Variants in OTUD7A observed in about 807,000 individuals in gnomAD.
OTUD7A encodes the protein OTU domain-containing protein 7A.
In OTUD7A, 12 loss-of-function variants were observed where a neutral mutation model predicts 65.7. That is an observed-to-expected ratio of 0.18 (90% CI 0.12 to 0.30). The LOEUF (loss-of-function observed/expected upper bound fraction) is 0.30, where lower values mean the gene tolerates loss of function less well. Among genes scored for constraint, OTUD7A ranks in the 10% least tolerant of loss-of-function variants. OTUD7A has a pLI of 1.00. For missense variants in OTUD7A, 1,148 were observed against 1,304.8 expected, an observed-to-expected ratio of 0.88 and a Z score of 1.85; for synonymous variants, 641 against 586.3, an observed-to-expected ratio of 1.09 and a Z score of -1.35.
chr15:31,632,792 G>T (rs1490030870), intron 3 of OTUD7A, among the ~76,000 whole-genome samples: 3 of 79,584 alleles, frequency 3.8e-5, no homozygotes, highest in Non-Finnish European at 7.1e-5. Flanking sequence ...CTTCCCGGCT[G>T]CTTTGTTTGC....
intron 3 of OTUD7A, among the ~76,000 whole-genome samples, chr15:31,613,383 C>G (rs1401774747): frequency 6.6e-6 from 1 of 152,140 alleles, no homozygotes; most frequent in Admixed American, 6.6e-5. Flanking sequence ...AGAAAATCTT[C>G]ACAATCTATA....
intron 1 of OTUD7A, among the ~76,000 whole-genome samples, chr15:31,791,437 C>A (rs1895812875): frequency 6.6e-6 from 1 of 152,112 alleles, no homozygotes; most frequent in Non-Finnish European, 1.5e-5. Flanking sequence ...ATTCCATCAT[C>A]CCACCTTCTA....
chr15:31,776,166 G>T (rs1895374346), intron 1 of OTUD7A, among the ~76,000 whole-genome samples: 1 of 152,218 alleles, frequency 6.6e-6, no homozygotes, highest in African/African-American at 2.4e-5. Flanking sequence ...AGCTGCCCCA[G>T]GCCAGGTCCC....
At chr15:31,531,940 A>G (rs79723022) in intron 5 of OTUD7A, among the ~76,000 whole-genome samples, 5,705 of 152,250 alleles carry the variant, frequency 0.037, 361 homozygotes, top group African/African-American at 0.13. Flanking sequence ...GCCAAGAAGT[A>G]CCAAGCCCAT....
At chr15:31,592,933 A>G (rs1344263264) in intron 3 of OTUD7A, among the ~76,000 whole-genome samples, 3 of 97,504 alleles carry the variant, frequency 3.1e-5, no homozygotes, top group South Asian at 3.0e-4. Context: ...ATATATATAT[A>G]TATGTATATA....
Position 31,484,876 on chromosome 15 carries a change from T to C in OTUD7A, c.1372-152A>G, listed in dbSNP as rs1245831642. 1.4e-6 allele frequency: 2 copies of C among 1,389,932 alleles called. No individual in the cohort carries two copies. Among genetic ancestry groups the C allele is most frequent in the East Asian group, 2.5e-5 (1 of 39,998 alleles). The allele number at this position is 1,389,932 out of a possible 1,614,324, so 86.1% of individuals were successfully genotyped here. A position where few individuals can be genotyped will look rare whatever the true frequency, so the allele number is the denominator to read the frequency against. On this transcript the variant is annotated intron_variant, in intron 12 of 12. Transcript: ENST00000307050. This position sits in a 1 kb window ranked among gnomAD's most constrained non-coding sequence, Gnocchi z 4.5. ...CACTGTCGCTCTGGTGACTGTGACATCCGGATGGGCGGTGCTGAAGGAGCG... is the reference window on the plus strand; with the variant it reads ...CACTGTCGCTCTGGTGACTGTGACACCCGGATGGGCGGTGCTGAAGGAGCG...
At chr15:31,715,721 A>G (rs1282319972) in intron 1 of OTUD7A, among the ~76,000 whole-genome samples, 1 of 118,514 alleles carries the variant, frequency 8.4e-6, no homozygotes, top group African/African-American at 2.9e-5. Flanking sequence ...CACTCAGTGA[A>G]AACAAGTTGA....
rs5811646 is a variant in OTUD7A at position 31,482,923 on chromosome 15, GA to G, written c.*370del. On this transcript the variant is annotated 3_prime_UTR_variant, in exon 13 of 13. Coordinates refer to ENST00000307050, the MANE Select transcript of OTUD7A (RefSeq NM_001382637.1). ...GGAAGAGGTCATCGCTAGGGTAGGA[GA>G]AAAAAAAAAAAGCAAAAAAAGCATG... 37,181 of 141,344 alleles carry G rather than the reference GA, an allele frequency of 0.26. 5,022 individuals are homozygous for G. The highest frequency in any genetic ancestry group is 0.4 in the East Asian group (1,970 of 4,894). The allele number at this position is 141,344 out of a possible 1,614,324, so 8.8% of individuals were successfully genotyped here.
At chr15:31,560,341 C>G (rs1888650380) in intron 4 of OTUD7A, among the ~76,000 whole-genome samples, 1 of 152,224 alleles carries the variant, frequency 6.6e-6, no homozygotes, top group African/African-American at 2.4e-5. Context: ...AAAAATAATG[C>G]TCTCCTCTGG....
chr15:31,820,193 A>C (rs1896644641), intron 1 of OTUD7A, among the ~76,000 whole-genome samples: 1 of 152,242 alleles, frequency 6.6e-6, no homozygotes, highest in Admixed American at 6.5e-5. Context: ...CAGGCAATGG[A>C]GCATATAAAT....
At chr15:31,554,377 T>A (rs1305198740) in intron 5 of OTUD7A, among the ~76,000 whole-genome samples, 1 of 152,160 alleles carries the variant, frequency 6.6e-6, no homozygotes, top group East Asian at 1.9e-4. Flanking sequence ...CTGTCTCCAT[T>A]TGGCCGCCGT....
intron 1 of OTUD7A, among the ~76,000 whole-genome samples, chr15:31,783,382 T>A (rs1024049134): frequency 6.6e-6 from 1 of 152,168 alleles, no homozygotes; most frequent in Non-Finnish European, 1.5e-5. Context: ...CAATGATCAT[T>A]CTAAGGAGAG....
chr15:31,507,149 T>C (rs2041587412), intron 8 of OTUD7A, among the ~76,000 whole-genome samples: 1 of 152,228 alleles, frequency 6.6e-6, no homozygotes. Flanking sequence ...CTTAGGCTAC[T>C]GAAGAAGGGG....
At chr15:31,727,915 C>A (rs901707906) in intron 1 of OTUD7A, among the ~76,000 whole-genome samples, 1 of 152,172 alleles carries the variant, frequency 6.6e-6, no homozygotes, top group African/African-American at 2.4e-5. Flanking sequence ...CCACTCTGAG[C>A]TCCTTTATGC....
chr15:31,862,383 T>A (rs1424566888), intron 1 of OTUD7A, among the ~76,000 whole-genome samples: 1 of 152,182 alleles, frequency 6.6e-6, no homozygotes, highest in Non-Finnish European at 1.5e-5. Context: ...TAGCATGGCT[T>A]AACAGAGCTT....
At chr15:31,866,472 G>A (rs141830336) in intron 1 of OTUD7A, among the ~76,000 whole-genome samples, 10 of 152,238 alleles carry the variant, frequency 6.6e-5, no homozygotes, top group African/African-American at 9.6e-5. Context: ...CACTTCTCCC[G>A]TCTGTTACTA....
intron 8 of OTUD7A, among the ~76,000 whole-genome samples, chr15:31,518,893 C>G (rs1455615665): frequency 6.6e-6 from 1 of 152,252 alleles, no homozygotes; most frequent in Non-Finnish European, 1.5e-5. Flanking sequence ...AGGCACAGTA[C>G]AGGCTAGCAG....
intron 8 of OTUD7A, among the ~76,000 whole-genome samples, chr15:31,524,420 T>C (rs1259934355): frequency 6.6e-6 from 1 of 152,168 alleles, no homozygotes; most frequent in African/African-American, 2.4e-5. Flanking sequence ...CCTAATCCCA[T>C]TGAGGCTCAG....
chr15:31,512,021 T>G (rs934840604), intron 8 of OTUD7A, among the ~76,000 whole-genome samples: 3 of 152,020 alleles, frequency 2.0e-5, no homozygotes, highest in African/African-American at 7.3e-5. Flanking sequence ...TCCCATGGCT[T>G]TTTGTGTCTA....
Sources: allele counts gnomAD v4.1 joint callset (sites outside exome capture counted in the v4.1 genomes callset), GRCh38; gene constraint gnomAD v4.1.1; non-coding constraint Gnocchi (gnomAD v3.1); transcripts MANE v1.5; gene names NCBI Gene and HGNC (gene_info 2026-07-23, HGNC 2026-07-21).